Variants in SDR42E2 observed in about 807,000 individuals in gnomAD.
SDR42E2 encodes the protein short chain dehydrogenase/reductase family 42E, member 2.
A neutral mutation model predicts 10.5 loss-of-function variants in SDR42E2; 20 were observed. That is an observed-to-expected ratio of 1.90 (90% CI 1.34 to 2.77). The LOEUF is 2.77. Ranked by LOEUF, SDR42E2 falls within the 30% of genes most tolerant of loss-of-function variation. SDR42E2 has a pLI of 0.00. For synonymous variants in SDR42E2, 72 were observed against 39.2 expected (o/e 1.84, Z -3.12); for missense variants, 162 against 104.2 (o/e 1.55, Z -2.42).
rs1293404867 is a variant in SDR42E2, at chr16:22,191,627, CTG to C, written c.*1235_*1236del. The C allele has an allele frequency of 6.6e-6, 1 of 151,254 alleles. No individual in the cohort carries two copies. Among genetic ancestry groups the C allele is most frequent in the African/African-American group, 2.4e-5 (1 of 41,054 alleles). 9.4% of individuals were successfully genotyped at this position (151,254 alleles called of 1,614,324 possible). On this transcript the variant is annotated 3_prime_UTR_variant, in exon 13 of 13. Transcript: ENST00000602312. The stretch of plus-strand genomic sequence containing the variant: ...CGACTTGGCCTTTTTGGGTTCCTGT[CTG>C]AGGATGACAGCATAGTAAGCACAGG...
intron 8 of SDR42E2, among the ~76,000 whole-genome samples, chr16:22,178,544 G>A (rs562453829): frequency 2.6e-5 from 4 of 152,160 alleles, no homozygotes; most frequent in African/African-American, 9.7e-5. Context: ...TCCATGCTGA[G>A]AGCACAAGTG....
intron 1 of SDR42E2, among the ~76,000 whole-genome samples, chr16:22,164,142 G>A (rs944445361): frequency 6.6e-6 from 1 of 152,134 alleles, no homozygotes; most frequent in Non-Finnish European, 1.5e-5. Flanking sequence ...CTGAGGGCTG[G>A]GCACAGTGGC....
chr16:22,172,371 C>A, intron 7 of SDR42E2, 40 bp downstream of exon 7: 1 of 703,526 alleles, frequency 1.4e-6, no homozygotes, highest in South Asian at 1.5e-5. Context: ...AATGCACCTG[C>A]CCACTGCTGC....
chr16:22,170,000 A>C (rs1467451557), intron 5 of SDR42E2, among the ~76,000 whole-genome samples: 1 of 149,326 alleles, frequency 6.7e-6, no homozygotes, highest in South Asian at 2.1e-4. Flanking sequence ...CCACTGCTCT[A>C]CAGCCTGGGT....
intron 1 of SDR42E2, among the ~76,000 whole-genome samples, chr16:22,163,626 G>A (rs997067125): frequency 6.6e-6 from 1 of 152,202 alleles, no homozygotes; most frequent in Non-Finnish European, 1.5e-5. Context: ...AGAATTGCTT[G>A]AACAAGGCAG....
At chr16:22,170,985 G>A (rs763191275) in intron 6 of SDR42E2, 34 bp downstream of exon 6, 52 of 702,484 alleles carry the variant, frequency 7.4e-5, no homozygotes, top group East Asian at 3.5e-4. Flanking sequence ...GGCAGGACCC[G>A]CGGGCCCGGG....
Position 22,191,494 on chromosome 16 carries a change from T to G in SDR42E2, c.*1101T>G, listed in dbSNP as rs1285131309. On this transcript the variant is annotated 3_prime_UTR_variant, in exon 13 of 13. Transcript: ENST00000602312. ...CGGCTGCTGCTCTGTCTGGTAACAT[T>G]GCATTCGATCCACCCCGACCCAATG... is the stretch of plus-strand genomic sequence containing the variant. The G allele has an allele frequency of 1.3e-5, 2 of 152,168 alleles. No individual in the cohort carries two copies. The highest frequency in any genetic ancestry group is 2.9e-5 in the Non-Finnish European group (2 of 68,024). The allele number at this position is 152,168 out of a possible 1,614,324, so 9.4% of individuals were successfully genotyped here. A position where few individuals can be genotyped will look rare whatever the true frequency, so the allele number is the denominator to read the frequency against.
chr16:22,189,800 C>T (rs1417093834), intron 12 of SDR42E2, among the ~76,000 whole-genome samples: 1 of 152,152 alleles, frequency 6.6e-6, no homozygotes, highest in Non-Finnish European at 1.5e-5. Context: ...TATCAAGGGC[C>T]TCCTGAGTCC....
At chr16:22,181,139 C>T (rs1415080062) in intron 8 of SDR42E2, among the ~76,000 whole-genome samples, 4 of 152,124 alleles carry the variant, frequency 2.6e-5, no homozygotes, top group African/African-American at 7.2e-5. Flanking sequence ...GTCAGAGTAG[C>T]GAGAAGCTAT....
chr16:22,170,564 G>A (rs577610306), intron 5 of SDR42E2, among the ~76,000 whole-genome samples: 1 of 152,174 alleles, frequency 6.6e-6, no homozygotes, highest in African/African-American at 2.4e-5. Context: ...AAGCCACAAT[G>A]AGAAAGAATA....
chr16:22,178,065 T>C, intron 7 of SDR42E2, 65 bp from the exon 8 acceptor site: 1 of 676,678 alleles, frequency 1.5e-6, no homozygotes, highest in Non-Finnish European at 2.7e-6. Context: ...GGAGGTGGCC[T>C]CTCTCTCCCT....
intron 4 of SDR42E2, among the ~76,000 whole-genome samples, chr16:22,169,028 C>G (rs1203256681): frequency 4.6e-5 from 7 of 152,218 alleles, no homozygotes; most frequent in African/African-American, 1.7e-4. Context: ...TTTTCACATC[C>G]CAGCTCCCTC....
chr16:22,190,365 C>T lies in SDR42E2; in HGVS notation c.1241C>T (p.Pro414Leu), dbSNP rs939745153. The T allele has an allele frequency of 1.2e-5, 5 of 402,094 alleles. No homozygotes were observed. Among genetic ancestry groups the T allele is most frequent in the African/African-American group, 6.2e-5 (3 of 48,674 alleles). 24.9% of individuals were successfully genotyped at this position (402,094 alleles called of 1,614,324 possible). ...ALALHFLGLQ[P>L]LHAAVERL ...GCCCTGCACTTCCTAGGCCTGCAGC[C>T]TCTGCACGCCGCCGTGGAGCGCCTG... The change falls in exon 13 of 13, where the codon CCT becomes CTT. Residue 414 changes from proline (P) to leucine (L), a missense_variant. Transcript: ENST00000602312.
In SDR42E2 at chr16:22,181,511, T is replaced by G. The variant is rs965078737; in HGVS notation, c.673-8T>G. 2 of 702,874 alleles carry G rather than the reference T, an allele frequency of 2.8e-6. No individual in the cohort carries two copies. The highest frequency in any genetic ancestry group is 2.0e-5 in the Admixed American group (1 of 49,972). The allele number at this position is 702,874 out of a possible 1,614,324, so 43.5% of individuals were successfully genotyped here. A position where few individuals can be genotyped will look rare whatever the true frequency, so the allele number is the denominator to read the frequency against. ...CAAGCCTGTTTATCACCCACTCCTC[T>G]CCACCAGGGCCACATCAAGAAGAGG... On this transcript the variant is annotated splice_region_variant and splice_polypyrimidine_tract_variant and intron_variant, in intron 8 of 12. Transcript: ENST00000602312.
At chr16:22,183,202 A>T (rs2046710409) in intron 10 of SDR42E2, among the ~76,000 whole-genome samples, 1 of 152,054 alleles carries the variant, frequency 6.6e-6, no homozygotes. Flanking sequence ...AGCTCACTGC[A>T]ACCTCTGCCT....
At chr16:22,175,940 C>T (rs1020367733) in intron 7 of SDR42E2, among the ~76,000 whole-genome samples, 6 of 151,598 alleles carry the variant, frequency 4.0e-5, no homozygotes, top group Non-Finnish European at 1.5e-5. Context: ...TTGCAGTGAG[C>T]CGAGATCGTG....
Position 22,190,369 on chromosome 16 carries a change from G to A in SDR42E2, c.1245G>A (p.Leu415=), listed in dbSNP as rs2046764695. The change falls in exon 13 of 13, where the codon CTG becomes CTA. Residue 415 remains leucine, a synonymous_variant. Coordinates refer to ENST00000602312, the MANE Select transcript of SDR42E2 (RefSeq NM_001394319.2). ...LALHFLGLQP[L]HAAVERL is the part of the protein sequence containing the mutation. ...TGCACTTCCTAGGCCTGCAGCCTCT[G>A]CACGCCGCCGTGGAGCGCCTGTGAC... 2.7e-5 allele frequency: 11 copies of A among 402,226 alleles called. No homozygotes were observed. Among genetic ancestry groups the A allele is most frequent in the Non-Finnish European group, 4.4e-5 (10 of 227,610 alleles). 24.9% of individuals were successfully genotyped at this position (402,226 alleles called of 1,614,324 possible).
chr16:22,166,088 CGGTACCTGGGCCGGGAGCTGGATCG>C (rs1480385630), intron 2 of SDR42E2, among the ~76,000 whole-genome samples, 137 bp from the exon 3 acceptor site: 1 of 148,756 alleles, frequency 6.7e-6, no homozygotes, highest in African/African-American at 2.6e-5. Context: ...GGAGCTGGAT[CGGTACCTGGGCCGGGAGCTGGATCG>C]GTACCTGGGC....
intron 7 of SDR42E2, 67 bp downstream of exon 7, chr16:22,172,398 G>A: frequency 1.4e-6 from 1 of 702,846 alleles, no homozygotes; most frequent in Non-Finnish European, 2.6e-6. Context: ...CAAAATACAT[G>A]TGTGATTCAT....
Sources: allele counts gnomAD v4.1 joint callset (sites outside exome capture counted in the v4.1 genomes callset), GRCh38; gene constraint gnomAD v4.1.1; transcripts MANE v1.5; gene names NCBI Gene and HGNC (gene_info 2026-07-23, HGNC 2026-07-21).